BARD1: variants seen among roughly 807,000 people sequenced by gnomAD.
BARD1 encodes the protein BRCA1 associated RING domain 1.
In BARD1, 73 loss-of-function variants were observed where a neutral mutation model predicts 77.0. The ratio of observed to expected loss-of-function variants is 0.95; its 90% CI spans 0.79 to 1.15. The LOEUF (loss-of-function observed/expected upper bound fraction) is 1.15. BARD1 is among the 50% of genes most tolerant of loss of function. The probability of loss-of-function intolerance (pLI) is 0.00; values close to 1 mark genes in which losing one functional copy is unlikely to be tolerated. For synonymous variants in BARD1, 384 were observed against 338.0 expected (o/e 1.14, Z -1.49); for missense variants, 993 against 938.8 (o/e 1.06, Z -0.75).
intron 7 of BARD1, among the ~76,000 whole-genome samples, chr2:214,751,127 A>G (rs1460130055): frequency 0.036 from 404 of 11,326 alleles, 83 homozygotes; most frequent in East Asian, 0.058. Context: ...GTATATATAT[A>G]TATATATATA....
chr2:214,795,174 T>A (rs1452025330), intron 2 of BARD1, among the ~76,000 whole-genome samples: 1 of 152,182 alleles, frequency 6.6e-6, no homozygotes. Context: ...CATCATTTCG[T>A]AAGCAGATCC....
At chr2:214,741,068 G>A (rs541992404) in intron 9 of BARD1, among the ~76,000 whole-genome samples, 40 of 152,208 alleles carry the variant, frequency 2.6e-4, no homozygotes, top group African/African-American at 9.6e-4. Context: ...AAATGATGAT[G>A]TAATGATTGT....
chr2:214,732,481 C>T (rs1034384424), intron 9 of BARD1, among the ~76,000 whole-genome samples: 9 of 152,028 alleles, frequency 5.9e-5, no homozygotes, highest in South Asian at 4.2e-4. Context: ...CTGCAAGCTC[C>T]GCCTCCTGGG....
At chr2:214,775,877 T>G (rs1439629201) in intron 4 of BARD1, among the ~76,000 whole-genome samples, 1 of 152,206 alleles carries the variant, frequency 6.6e-6, no homozygotes, top group African/African-American at 2.4e-5. Flanking sequence ...CCAAGGCTGC[T>G]TTTGTTTCCT....
At chr2:214,770,557 G>A (rs1349558707) in intron 4 of BARD1, among the ~76,000 whole-genome samples, 1 of 152,180 alleles carries the variant, frequency 6.6e-6, no homozygotes, top group East Asian at 1.9e-4. Context: ...TACTCTGAAG[G>A]CAGACAATAT....
intron 3 of BARD1, among the ~76,000 whole-genome samples, chr2:214,788,550 T>C (rs1447512134): frequency 6.6e-6 from 1 of 152,064 alleles, no homozygotes; most frequent in African/African-American, 2.4e-5. Flanking sequence ...ATTATATATA[T>C]TATAGTAAAT....
intron 7 of BARD1, among the ~76,000 whole-genome samples, chr2:214,747,058 C>T (rs1222886441): frequency 6.6e-6 from 1 of 152,026 alleles, no homozygotes; most frequent in African/African-American, 2.4e-5. Context: ...TATGAACAGA[C>T]ACTTCTCAAA....
intron 6 of BARD1, among the ~76,000 whole-genome samples, chr2:214,759,754 C>T (rs1269184391): frequency 1.3e-5 from 2 of 152,048 alleles, no homozygotes; most frequent in South Asian, 2.1e-4. Flanking sequence ...TAATAAAGAA[C>T]ACAGCCTCTA....
intron 9 of BARD1, among the ~76,000 whole-genome samples, chr2:214,741,735 G>GA (rs1403986104): frequency 9.9e-5 from 15 of 152,110 alleles, no homozygotes; most frequent in African/African-American, 3.6e-4. Context: ...AGAAATATAA[G>GA]ATAGACTGGA....
chr2:214,732,813 G>A (rs575046711), intron 9 of BARD1, among the ~76,000 whole-genome samples: 2 of 152,122 alleles, frequency 1.3e-5, no homozygotes, highest in Non-Finnish European at 2.9e-5. Context: ...TGGCATAATC[G>A]GTTTTAAACT....
intron 7 of BARD1, among the ~76,000 whole-genome samples, chr2:214,749,251 G>A (rs188032914): frequency 6.6e-6 from 1 of 151,978 alleles, no homozygotes; most frequent in African/African-American, 2.4e-5. Context: ...GTGGACTCAA[G>A]ACACAGTAAG....
chr2:214,741,899 T>C (rs901101478), intron 9 of BARD1, among the ~76,000 whole-genome samples: 1 of 147,150 alleles, frequency 6.8e-6, no homozygotes, highest in Admixed American at 7.0e-5. Context: ...ATAGTTAAAT[T>C]TGGACCCAAT....
At chr2:214,806,875 G>A (rs75569324) in intron 1 of BARD1, among the ~76,000 whole-genome samples, 13 of 105,974 alleles carry the variant, frequency 1.2e-4, no homozygotes, top group Middle Eastern at 5.1e-3. Flanking sequence ...CTTTGCCTAG[G>A]GAAAAAAAAA....
intron 9 of BARD1, among the ~76,000 whole-genome samples, chr2:214,733,274 T>C (rs76476139): frequency 0.01 from 1,552 of 152,342 alleles, 27 homozygotes; most frequent in African/African-American, 0.035. Context: ...TTTTGGATTT[T>C]GGAATATTTG....
chr2:214,744,065 GT>G (rs572145760), intron 9 of BARD1, among the ~76,000 whole-genome samples: 55 of 152,302 alleles, frequency 3.6e-4, no homozygotes, highest in Non-Finnish European at 6.8e-4. Flanking sequence ...GTTAGCCATA[GT>G]ATCAAAAGTA....
chr2:214,769,251 T>C lies in BARD1; in HGVS notation c.1376A>G (p.His459Arg), dbSNP rs587781621. 2 of 1,613,334 alleles carry C rather than the reference T, an allele frequency of 1.2e-6. No individual in the cohort carries two copies. Among genetic ancestry groups the C allele is most frequent in the Non-Finnish European group, 1.7e-6 (2 of 1,179,292 alleles). Reference sequence around the variant, plus strand: ...AACTACCAATGGTGTCCATCCAGCATGGTCTTTAACATTTGGATCACTTCC... The same window carrying C: ...AACTACCAATGGTGTCCATCCAGCACGGTCTTTAACATTTGGATCACTTCC... ...QNGSDPNVKD[H>R]AGWTPLHEAC... The change falls in exon 5 of 11, where the codon CAT (histidine) becomes CGT (arginine). Residue 459 changes from histidine (H) to arginine (R), a missense_variant. Coordinates refer to ENST00000260947, the MANE Select transcript of BARD1 (RefSeq NM_000465.4).
chr2:214,808,712 C>T (rs892791403), intron 1 of BARD1, among the ~76,000 whole-genome samples: 8 of 151,712 alleles, frequency 5.3e-5, no homozygotes, highest in Admixed American at 4.6e-4. Flanking sequence ...AGAAGTAACA[C>T]TCATGAAAAT....
At chr2:214,791,311 A>G (rs1304719404) in intron 3 of BARD1, among the ~76,000 whole-genome samples, 3 of 152,204 alleles carry the variant, frequency 2.0e-5, no homozygotes, top group Non-Finnish European at 2.9e-5. Flanking sequence ...TTTATTTTGT[A>G]TAATCAACTT....
chr2:214,809,212 C>A (rs1256471017), intron 1 of BARD1, among the ~76,000 whole-genome samples, 200 bp downstream of exon 1: 2 of 152,192 alleles, frequency 1.3e-5, no homozygotes, highest in African/African-American at 4.8e-5. Context: ...CAAGGGGAGG[C>A]CGGTAAGTCG....
Sources: gnomAD v4.1 joint callset for allele counts (sites outside exome capture counted in the v4.1 genomes callset) on GRCh38, gnomAD v4.1.1 for gene constraint, MANE v1.5 for transcripts, NCBI Gene and HGNC (gene_info 2026-07-23, HGNC 2026-07-21) for gene names.